CCDC122: variants seen among roughly 807,000 people sequenced by gnomAD.
CCDC122 encodes coiled-coil domain-containing protein 122.
A neutral mutation model predicts 37.0 loss-of-function variants in CCDC122; 38 were observed. The observed-to-expected ratio is 1.03, with a 90% CI of 0.79 to 1.35. The LOEUF is 1.35. Ranked by LOEUF, CCDC122 falls within the 40% of genes most tolerant of loss-of-function variation. The pLI, the probability that CCDC122 is intolerant of heterozygous loss-of-function variation, is 0.00. For missense variants in CCDC122, 305 were observed against 310.0 expected (o/e 0.98, Z 0.12); for synonymous variants, 83 against 95.6 (o/e 0.87, Z 0.77).
At chr13:43,833,133 T>C (rs533709534), downstream of CCDC122, among the ~76,000 whole-genome samples, 1 of 152,318 alleles carries the variant, frequency 6.6e-6, no homozygotes, top group East Asian at 1.9e-4. Context: ...GTTTTTAAGA[T>C]ATGGCTTAAA....
At chr13:43,857,106 TTTAA>T (rs1231371649) in intron 6 of CCDC122, among the ~76,000 whole-genome samples, 2 of 152,236 alleles carry the variant, frequency 1.3e-5, no homozygotes, top group Admixed American at 1.3e-4. Context: ...TTGCTGTGGT[TTTAA>T]TTATCAGTCT....
chr13:43,859,725 C>T lies in CCDC122; in HGVS notation c.502G>A (p.Glu168Lys), dbSNP rs1954044912. 6.3e-7 allele frequency: 1 copy of T among 1,587,524 alleles called. No individual in the cohort carries two copies. The highest frequency in any genetic ancestry group is 1.4e-5 in the African/African-American group (1 of 73,178). The change falls in exon 5 of 7, where the codon GAA becomes AAA. Residue 168 changes from glutamate (E) to lysine (K), a missense_variant. Coordinates refer to ENST00000444614, the MANE Select transcript of CCDC122 (RefSeq NM_144974.5). ...FVKKLKTMKEELMQDLQNPGG... is the reference protein window; with the variant it reads ...FVKKLKTMKEKLMQDLQNPGG... ...GGATTTTGAAGATCTTGCATAAGTT[C>T]TTCTTTCATTGTCTTTAATTTTTTA... is the stretch of plus-strand genomic sequence containing the variant.
At chr13:43,870,952 C>T (rs1438458275) in intron 2 of CCDC122, among the ~76,000 whole-genome samples, 2 of 152,008 alleles carry the variant, frequency 1.3e-5, no homozygotes, top group Admixed American at 6.6e-5. Context: ...TACCAAGTTA[C>T]CCCCTTCCCC....
intron 6 of CCDC122, among the ~76,000 whole-genome samples, chr13:43,844,407 T>C (rs763716951): frequency 5.3e-5 from 8 of 152,066 alleles, no homozygotes; most frequent in Non-Finnish European, 1.0e-4. Flanking sequence ...CTTTGAAATA[T>C]GTAATCTAGT....
downstream of CCDC122, among the ~76,000 whole-genome samples, chr13:43,835,986 C>G (rs991403741): frequency 6.6e-6 from 1 of 152,162 alleles, no homozygotes; most frequent in African/African-American, 2.4e-5. Flanking sequence ...CACAATAAAA[C>G]TATTACTGTT....
downstream of CCDC122, among the ~76,000 whole-genome samples, chr13:43,832,867 T>G (rs1440575505): frequency 1.3e-5 from 2 of 152,134 alleles, no homozygotes; most frequent in Non-Finnish European, 2.9e-5. Flanking sequence ...AATACATGCT[T>G]TAGACTATTA....
At chr13:43,851,020 TCA>T (rs1267809599) in intron 6 of CCDC122, among the ~76,000 whole-genome samples, 8 of 152,040 alleles carry the variant, frequency 5.3e-5, no homozygotes, top group African/African-American at 1.9e-4. Context: ...GCACTAGAAA[TCA>T]CAGAGACCAA....
chr13:43,858,849 T>C lies in CCDC122; in HGVS notation c.604A>G (p.Ile202Val), dbSNP rs1954015226. Residue 202 changes from isoleucine to valine, a missense_variant, in exon 6 of 7, where the codon ATC (isoleucine) becomes GTC (valine). By Grantham distance (29) the Ile-to-Val change is conservative (BLOSUM62 3). Coordinates refer to ENST00000444614, the MANE Select transcript of CCDC122 (RefSeq NM_144974.5). ...KDKIITVKES[I>V]IEKTCFLEEE... is the part of the protein sequence containing the mutation. ...TCAAGAAAACAAGTTTTTTCAATGA[T>C]AGATTCTTTTACAGTTATAATTTTA... 3 of 1,419,542 alleles carry C rather than the reference T, an allele frequency of 2.1e-6. No individual in the cohort carries two copies. Among genetic ancestry groups the C allele is most frequent in the Non-Finnish European group, 2.8e-6 (3 of 1,053,326 alleles). 87.9% of individuals were successfully genotyped at this position (1,419,542 alleles called of 1,614,324 possible). A position where few individuals can be genotyped will look rare whatever the true frequency, so the allele number is the denominator to read the frequency against.
At chr13:43,858,716 G>T in intron 6 of CCDC122, 65 bp downstream of exon 6, 2 of 1,130,104 alleles carry the variant, frequency 1.8e-6, no homozygotes, top group Non-Finnish European at 2.4e-6. Flanking sequence ...ATGGAAATAT[G>T]AATATAGTGT....
chr13:43,868,953 T>C (rs1954360519), intron 3 of CCDC122, 150 bp from the exon 4 acceptor site: 5 of 531,630 alleles, frequency 9.4e-6, no homozygotes, highest in East Asian at 6.6e-5. Flanking sequence ...CTTGCTGATA[T>C]AAACAAAACC....
intron 6 of CCDC122, chr13:43,855,394 C>CACA: frequency 6.7e-6 from 1 of 150,026 alleles, no homozygotes; most frequent in Non-Finnish European, 1.5e-5. Flanking sequence ...CACACACACA[C>CACA]CCCTAAGAAC....
intron 4 of CCDC122, among the ~76,000 whole-genome samples, chr13:43,867,279 T>C (rs1259986813): frequency 6.6e-6 from 1 of 152,178 alleles, no homozygotes; most frequent in Non-Finnish European, 1.5e-5. Context: ...AAATCTTCCA[T>C]GATTTTTCAA....
intron 4 of CCDC122, among the ~76,000 whole-genome samples, chr13:43,868,235 T>A (rs1462359745): frequency 6.6e-6 from 1 of 152,094 alleles, no homozygotes; most frequent in Non-Finnish European, 1.5e-5. Flanking sequence ...TTACGTTGCA[T>A]GCGAAGACCA....
intron 6 of CCDC122, among the ~76,000 whole-genome samples, chr13:43,839,794 C>T (rs1336320276): frequency 6.6e-6 from 1 of 152,132 alleles, no homozygotes; most frequent in Non-Finnish European, 1.5e-5. Flanking sequence ...GTCATGGCCA[C>T]TGTTAAAAGA....
At chr13:43,835,312 G>C (rs967708076), downstream of CCDC122, among the ~76,000 whole-genome samples, 1 of 152,166 alleles carries the variant, frequency 6.6e-6, no homozygotes, top group African/African-American at 2.4e-5. Context: ...GCCTGTTGTG[G>C]GGTGGGGAGA....
At chr13:43,859,205 TTTTAAG>T (rs1436630922) in intron 5 of CCDC122, among the ~76,000 whole-genome samples, 1 of 152,118 alleles carries the variant, frequency 6.6e-6, no homozygotes, top group African/African-American at 2.4e-5. Flanking sequence ...ATGATCAATA[TTTTAAG>T]TTTGTGTCTT....
intron 3 of CCDC122, among the ~76,000 whole-genome samples, chr13:43,825,283 A>G (rs903868169): frequency 6.6e-6 from 1 of 152,214 alleles, no homozygotes; most frequent in Non-Finnish European, 1.5e-5. Flanking sequence ...CCACCATTCT[A>G]AGTGAATTAA....
downstream of CCDC122, among the ~76,000 whole-genome samples, chr13:43,821,848 A>G (rs1414012192): frequency 6.6e-6 from 1 of 152,152 alleles, no homozygotes; most frequent in Admixed American, 6.5e-5. Context: ...AATAATTTCA[A>G]TCTCCTTGTT....
chr13:43,835,330 G>A (rs1953135925), downstream of CCDC122, among the ~76,000 whole-genome samples: 2 of 152,080 alleles, frequency 1.3e-5, no homozygotes, highest in African/African-American at 2.4e-5. Context: ...AGAGTGGGGA[G>A]GGATAGTATT....
Sources: gnomAD v4.1 joint callset for allele counts (sites outside exome capture counted in the v4.1 genomes callset) on GRCh38, gnomAD v4.1.1 for gene constraint, MANE v1.5 for transcripts, NCBI Gene and HGNC (gene_info 2026-07-23, HGNC 2026-07-21) for gene names.